The following CASP2 variants were observed in gnomAD, a reference collection of about 807,000 sequenced individuals.
The protein encoded by CASP2 is caspase-2.
A neutral mutation model predicts 54.4 loss-of-function variants in CASP2; 38 were observed. The ratio of observed to expected loss-of-function variants is 0.70; its 90% CI spans 0.54 to 0.92. The LOEUF is 0.92. CASP2 is among the 40% of genes least tolerant of loss of function. CASP2 has a pLI of 0.00. For synonymous variants in CASP2, 215 were observed against 216.3 expected (o/e 0.99, Z 0.05); for missense variants, 512 against 579.6 (o/e 0.88, Z 1.20).
intron 9 of CASP2, 50 bp from the exon 10 acceptor site, chr7:143,304,624 G>A (rs1802013328): frequency 3.7e-6 from 5 of 1,351,088 alleles, no homozygotes; most frequent in Non-Finnish European, 3.2e-6. Flanking sequence ...TTTGGGAAGT[G>A]CAGCTGTGTG....
intron 4 of CASP2, among the ~76,000 whole-genome samples, chr7:143,292,905 G>A (rs1267257473): frequency 6.6e-6 from 1 of 152,074 alleles, no homozygotes; most frequent in Non-Finnish European, 1.5e-5. Flanking sequence ...CAGCTACTCG[G>A]GAAGCTGGGG....
At chr7:143,295,130 C>T (rs895386881) in intron 6 of CASP2, among the ~76,000 whole-genome samples, 3 of 151,982 alleles carry the variant, frequency 2.0e-5, no homozygotes, top group South Asian at 2.1e-4. Context: ...CAGGTTCAAG[C>T]GATTCTCCTG....
intron 8 of CASP2, chr7:143,301,134 G>A (rs1234650471): frequency 1.2e-5 from 2 of 163,830 alleles, no homozygotes; most frequent in Admixed American, 6.1e-5. Flanking sequence ...TGCATTTAAG[G>A]GCTTACATAG....
rs757402027 is a variant in CASP2 at position 143,299,967 on chromosome 7, C to T, written c.792C>T (p.His264=). The change falls in exon 7 of 11, where the codon CAC becomes CAT. Residue 264 remains histidine, a synonymous_variant. Coordinates refer to ENST00000310447, the MANE Select transcript of CASP2 (RefSeq NM_032982.4). ...AGAATTTTGCACAGTTACCTGCACA[C>T]CGAGTCACGGACTCCTGCATCGTGG... ...KLQNFAQLPA[H]RVTDSCIVAL... is the part of the protein sequence containing the mutation. The T allele has an allele frequency of 1.1e-5, 17 of 1,614,054 alleles. No individual in the cohort carries two copies. The South Asian group carries it at 1.9e-4, about 18-fold the overall frequency.
At chr7:143,289,955 A>G (rs1801504228) in intron 1 of CASP2, among the ~76,000 whole-genome samples, 1 of 151,920 alleles carries the variant, frequency 6.6e-6, no homozygotes, top group African/African-American at 2.4e-5. Context: ...TCCCTCTTCT[A>G]ACTATAAATC....
chr7:143,290,589 C>G (rs149164357), intron 1 of CASP2: 1 of 152,284 alleles, frequency 6.6e-6, no homozygotes, highest in Non-Finnish European at 1.5e-5. Flanking sequence ...AGAAGCTGAT[C>G]TCTTTGCAAG....
At chr7:143,291,780 C>CATTTTTT in intron 2 of CASP2, 90 bp downstream of exon 2, 1 of 422,922 alleles carries the variant, frequency 2.4e-6, no homozygotes, top group African/African-American at 3.9e-5. Flanking sequence ...ATCTTTCTTC[C>CATTTTTT]TTTTTTTTTT....
chr7:143,300,169 C>T (rs1801872118), intron 7 of CASP2, 35 bp from the exon 8 acceptor site: 4 of 1,613,038 alleles, frequency 2.5e-6, no homozygotes, highest in Non-Finnish European at 3.4e-6. Flanking sequence ...CCGCTGAATG[C>T]TTAACCTCTC....
In CASP2 at chr7:143,292,394, G is replaced by GGGAGACCA. The variant is rs760770832; in HGVS notation, c.321_328dup (p.Lys110ArgfsTer26). On this transcript the variant is annotated frameshift_variant, in exon 3 of 11. Coordinates refer to ENST00000310447, the MANE Select transcript of CASP2 (RefSeq NM_032982.4). LOFTEE classifies it high-confidence loss of function. ...TTTGATGCCTTCTGTGAAGCACTGA[G>GGGAGACCA]GGAGACCAAGCAAGGCCACCTGGAG... The GGGAGACCA allele has an allele frequency of 1.2e-6, 2 of 1,614,164 alleles. No homozygotes were observed. Among genetic ancestry groups the GGGAGACCA allele is most frequent in the South Asian group, 2.2e-5 (2 of 91,080 alleles).
At chr7:143,294,570 A>T (rs377426729) in intron 5 of CASP2, 27 bp from the exon 6 acceptor site, 1 of 1,607,928 alleles carries the variant, frequency 6.2e-7, no homozygotes, top group Non-Finnish European at 8.5e-7. Flanking sequence ...CAAGACGCTC[A>T]TGGTCTAACT....
intron 6 of CASP2, among the ~76,000 whole-genome samples, 183 bp downstream of exon 6, chr7:143,294,956 G>A (rs943843544): frequency 2.6e-5 from 4 of 151,986 alleles, no homozygotes; most frequent in African/African-American, 9.7e-5. Flanking sequence ...ATTAGGGCCG[G>A]CCAGCCATTT....
intron 8 of CASP2, chr7:143,303,457 G>C: frequency 4.5e-6 from 1 of 223,158 alleles, no homozygotes; most frequent in Non-Finnish European, 9.1e-6. Context: ...TGTGGACTTA[G>C]ATGATTTTCA....
chr7:143,288,555 C>G (rs1352841272), intron 1 of CASP2, 26 bp downstream of exon 1: 4 of 1,597,140 alleles, frequency 2.5e-6, no homozygotes, highest in Non-Finnish European at 3.4e-6. Flanking sequence ...TCTTAGGGCT[C>G]CTTAGGGGAG....
At chr7:143,304,012 G>A in intron 9 of CASP2, 79 bp downstream of exon 9, 1 of 1,316,250 alleles carries the variant, frequency 7.6e-7, no homozygotes, top group East Asian at 2.5e-5. Context: ...GGTACAGGTT[G>A]AGTATCCCTT....
In CASP2 at chr7:143,303,867, G is replaced by T; in HGVS notation, c.1051G>T (p.Glu351Ter). The change falls in exon 9 of 11, where the codon GAA becomes TAA. Residue 351 changes from glutamate (E) to a stop codon, truncating the protein, a stop_gained. Transcript: ENST00000310447. LOFTEE classifies it high-confidence loss of function. ...GTGCGAGGAGAGTGATGCCGGTAAA[G>T]AAAAGTTGCCGAAGATGAGACTGCC... The part of the protein sequence containing the change: ...PGCEESDAGK[E>*]KLPKMRLPTR... The T allele has an allele frequency of 6.2e-7, 1 of 1,613,782 alleles. No individual in the cohort carries two copies. Among genetic ancestry groups the T allele is most frequent in the Non-Finnish European group, 8.5e-7 (1 of 1,179,868 alleles).
intron 4 of CASP2, among the ~76,000 whole-genome samples, chr7:143,293,797 G>C (rs536092742): frequency 1.2e-4 from 18 of 152,258 alleles, no homozygotes; most frequent in Non-Finnish European, 2.2e-4. Flanking sequence ...CCCAGGCAAG[G>C]TGTTATTAAT....
At chr7:143,291,021 A>C (rs1586452214) in intron 1 of CASP2, 2 of 155,882 alleles carry the variant, frequency 1.3e-5, no homozygotes, top group East Asian at 1.9e-4. Flanking sequence ...GTTTTAAAAA[A>C]CATGTAATTA....
intron 4 of CASP2, among the ~76,000 whole-genome samples, chr7:143,293,440 A>C (rs1801645819): frequency 6.6e-6 from 1 of 151,542 alleles, no homozygotes; most frequent in Non-Finnish European, 1.5e-5. Flanking sequence ...GACATAGTTT[A>C]TATTGGGAAC....
Position 143,305,342 on chromosome 7 carries a change from A to G in CASP2, c.*271A>G, listed in dbSNP as rs1032605578. ...CTGCAGTTGAAGAGCCTGACAAGTG[A>G]AGTTGTAAACACAGTGTGGTTATGG... On this transcript the variant is annotated 3_prime_UTR_variant, in exon 11 of 11. Coordinates refer to ENST00000310447, the MANE Select transcript of CASP2 (RefSeq NM_032982.4). 6 of 546,640 alleles carry G rather than the reference A, an allele frequency of 1.1e-5. No homozygotes were observed. Among genetic ancestry groups the G allele is most frequent in the Non-Finnish European group, 2.0e-5 (6 of 301,980 alleles). The allele number at this position is 546,640 out of a possible 1,614,324, so 33.9% of individuals were successfully genotyped here.
Sources: allele counts gnomAD v4.1 joint callset (sites outside exome capture counted in the v4.1 genomes callset), GRCh38; gene constraint gnomAD v4.1.1; transcripts MANE v1.5; gene names NCBI Gene and HGNC (gene_info 2026-07-23, HGNC 2026-07-21).